The following NT5DC1 variants were observed in gnomAD, a reference collection of about 807,000 sequenced individuals.
NT5DC1 encodes 5'-nucleotidase domain containing 1.
In NT5DC1, 42 loss-of-function variants were observed where a neutral mutation model predicts 59.4. That is an observed-to-expected ratio of 0.71 (90% CI 0.55 to 0.92). The LOEUF is 0.92. Among genes scored for constraint, NT5DC1 ranks in the 40% least tolerant of loss-of-function variants. The pLI is 0.00. For synonymous variants in NT5DC1, 172 were observed against 188.1 expected (o/e 0.91, Z 0.70); for missense variants, 501 against 537.1 (o/e 0.93, Z 0.66).
At chr6:116,120,251 A>C in intron 6 of NT5DC1, 1 of 1,614,224 alleles carries the variant, frequency 6.2e-7, no homozygotes, top group South Asian at 1.1e-5. Context: ...ATAGGTGTAC[A>C]TTACAGGGGT....
intron 6 of NT5DC1, among the ~76,000 whole-genome samples, chr6:116,147,099 T>TA (rs745395518): frequency 8.7e-4 from 130 of 150,192 alleles, no homozygotes; most frequent in Non-Finnish European, 1.2e-3. Flanking sequence ...CTGACAATAT[T>TA]AAAAAAAAAC....
At chr6:116,158,991 T>G (rs1381145458) in intron 6 of NT5DC1, among the ~76,000 whole-genome samples, 1 of 152,196 alleles carries the variant, frequency 6.6e-6, no homozygotes, top group African/African-American at 2.4e-5. Context: ...GCATGAATGC[T>G]TGCATTAGAA....
chr6:116,201,596 T>C (rs1457140743), intron 6 of NT5DC1, among the ~76,000 whole-genome samples: 10 of 151,992 alleles, frequency 6.6e-5, no homozygotes, highest in African/African-American at 2.4e-4. Context: ...TCTTGGTTAA[T>C]ATAAAGATAA....
chr6:116,127,760 C>T (rs1454708628), intron 6 of NT5DC1, among the ~76,000 whole-genome samples: 2 of 152,118 alleles, frequency 1.3e-5, no homozygotes, highest in African/African-American at 2.4e-5. Context: ...CACACACATA[C>T]TGCTATTTGC....
chr6:116,220,122 C>CTTTTTTTTTTTTTTTTTTTTTTT (rs60827021), intron 6 of NT5DC1, among the ~76,000 whole-genome samples: 6 of 98,648 alleles, frequency 6.1e-5, no homozygotes, highest in African/African-American at 2.6e-4. Flanking sequence ...GCTGTTTAAC[C>CTTTTTTTTTTTTTTTTTTTTTTT]TTTTTTTTTT....
At chr6:116,218,587 A>G (rs1314723794) in intron 6 of NT5DC1, among the ~76,000 whole-genome samples, 1 of 152,084 alleles carries the variant, frequency 6.6e-6, no homozygotes, top group Admixed American at 6.6e-5. Flanking sequence ...CTGTTTCTTA[A>G]ACTGACCTTT....
At chr6:116,131,072 A>G (rs2114330110) in intron 6 of NT5DC1, among the ~76,000 whole-genome samples, 1 of 152,212 alleles carries the variant, frequency 6.6e-6, no homozygotes. Flanking sequence ...TTTGTTTTAT[A>G]CTTTCATAAA....
chr6:116,189,456 C>T (rs1485713699), intron 6 of NT5DC1, among the ~76,000 whole-genome samples: 3 of 151,788 alleles, frequency 2.0e-5, no homozygotes, highest in South Asian at 2.1e-4. Flanking sequence ...TTATATACCT[C>T]CCTCTCATTT....
At chr6:116,146,037 G>A (rs146575765) in intron 6 of NT5DC1, among the ~76,000 whole-genome samples, 135 of 152,220 alleles carry the variant, frequency 8.9e-4, no homozygotes, top group African/African-American at 2.9e-3. Context: ...TGTCCTCCTC[G>A]TTTTCCTATC....
In NT5DC1 at chr6:116,213,892, A is replaced by C. The variant is rs138991967; in HGVS notation, c.530-7162A>C. On this transcript the variant is annotated intron_variant, in intron 6 of 11. Transcript: ENST00000319550. Reference sequence around the variant, plus strand: ...TTGTGCCAAGCACTATGAGATGGATACTTTACCCACACTACTTTTTTTTGT... The same window carrying C: ...TTGTGCCAAGCACTATGAGATGGATCCTTTACCCACACTACTTTTTTTTGT... Among the ~76,000 whole-genome samples, 5 of 151,936 alleles carry C rather than the reference A, an allele frequency of 3.3e-5. No individual in the cohort carries two copies. In the South Asian group the frequency reaches 1.0e-3, roughly 32 times the overall value.
At chr6:116,161,112 G>A (rs943716193) in intron 6 of NT5DC1, among the ~76,000 whole-genome samples, 3 of 149,426 alleles carry the variant, frequency 2.0e-5, no homozygotes, top group African/African-American at 7.4e-5. Context: ...AACACCGCAT[G>A]TTCTCACTCA....
At chr6:116,149,313 C>T (rs1779975533) in intron 6 of NT5DC1, among the ~76,000 whole-genome samples, 1 of 152,136 alleles carries the variant, frequency 6.6e-6, no homozygotes, top group African/African-American at 2.4e-5. Context: ...TGCAAAATTT[C>T]AGAATATTAT....
At chr6:116,161,740 AT>A (rs1780336449) in intron 6 of NT5DC1, among the ~76,000 whole-genome samples, 1 of 152,124 alleles carries the variant, frequency 6.6e-6, no homozygotes, top group Non-Finnish European at 1.5e-5. Flanking sequence ...GAATTTTATA[AT>A]TGTTTTTTCT....
chr6:116,172,165 C>A (rs1378678890), intron 6 of NT5DC1, among the ~76,000 whole-genome samples: 2 of 152,108 alleles, frequency 1.3e-5, no homozygotes, highest in Admixed American at 6.5e-5. Context: ...CTAAGTGATA[C>A]AATCTCATGA....
At chr6:116,215,635 A>G (rs1279471971) in intron 6 of NT5DC1, among the ~76,000 whole-genome samples, 1 of 152,118 alleles carries the variant, frequency 6.6e-6, no homozygotes, top group East Asian at 1.9e-4. Flanking sequence ...CTCTCTCCAC[A>G]TTTACGTTGT....
At position 116,244,036 on chromosome 6, in the gene NT5DC1, T is replaced by TTCATTTTTCAGTAAA; in HGVS notation, c.*12_*13insTCATTTTTCAGTAAA. ...TGATATCCAAATAAGTTGTCTTTAC[T>TTCATTTTTCAGTAAA]GAAAAATGAAGTGAAGACCCATATA... On this transcript the variant is annotated 3_prime_UTR_variant, in exon 12 of 12. Coordinates refer to ENST00000319550, the MANE Select transcript of NT5DC1 (RefSeq NM_152729.3). 1 of 1,153,754 alleles carries TTCATTTTTCAGTAAA rather than the reference T, an allele frequency of 8.7e-7. No homozygotes were observed. Among genetic ancestry groups the TTCATTTTTCAGTAAA allele is most frequent in the Non-Finnish European group, 1.3e-6 (1 of 786,846 alleles). The allele number at this position is 1,153,754 out of a possible 1,614,324, so 71.5% of individuals were successfully genotyped here. A position where few individuals can be genotyped will look rare whatever the true frequency, so the allele number is the denominator to read the frequency against.
chr6:116,221,702 TTAAAG>T (rs1379725869), intron 7 of NT5DC1, among the ~76,000 whole-genome samples: 4 of 152,292 alleles, frequency 2.6e-5, no homozygotes, highest in African/African-American at 7.2e-5. Context: ...TGCATAGACT[TTAAAG>T]TAAGACAGAC....
chr6:116,144,942 T>C (rs1214605015), intron 6 of NT5DC1, among the ~76,000 whole-genome samples: 3 of 152,204 alleles, frequency 2.0e-5, no homozygotes, highest in African/African-American at 7.2e-5. Flanking sequence ...TGTTCTAAAA[T>C]GTGCTAGTTG....
At chr6:116,120,362 C>T in intron 6 of NT5DC1, 1 of 1,614,196 alleles carries the variant, frequency 6.2e-7, no homozygotes, top group Non-Finnish European at 8.5e-7. Flanking sequence ...GATTCCAGTC[C>T]TTGGGTCATA....
Sources: gnomAD v4.1 joint callset for allele counts (sites outside exome capture counted in the v4.1 genomes callset) on GRCh38, gnomAD v4.1.1 for gene constraint, MANE v1.5 for transcripts, NCBI Gene and HGNC (gene_info 2026-07-23, HGNC 2026-07-21) for gene names.